The following NAALADL2 variants were observed in gnomAD, a reference collection of about 807,000 sequenced individuals.
NAALADL2 encodes the protein N-acetylated alpha-linked acidic dipeptidase like 2, also known as inactive N-acetylated-alpha-linked acidic dipeptidase-like protein 2.
In NAALADL2, 76 loss-of-function variants were observed where a neutral mutation model predicts 87.2. The ratio of observed to expected loss-of-function variants is 0.87; its 90% CI spans 0.72 to 1.05. The LOEUF is 1.05. NAALADL2 is among the 50% of genes least tolerant of loss of function. The probability of loss-of-function intolerance (pLI) is 0.00; values close to 1 mark genes in which losing one functional copy is unlikely to be tolerated. For synonymous variants in NAALADL2, 354 were observed against 331.0 expected, an observed-to-expected ratio of 1.07 and a Z score of -0.75; for missense variants, 1,089 against 945.8, an observed-to-expected ratio of 1.15 and a Z score of -1.99.
intron 9 of NAALADL2, among the ~76,000 whole-genome samples, chr3:175,548,005 G>C (rs1296733527): frequency 6.6e-6 from 1 of 152,016 alleles, no homozygotes; most frequent in African/African-American, 2.4e-5. Flanking sequence ...ATTCCTCAAA[G>C]ATCTAAAGAT....
chr3:174,929,210 C>T (rs768005984), intron 1 of NAALADL2, among the ~76,000 whole-genome samples: 6 of 152,062 alleles, frequency 3.9e-5, no homozygotes, highest in Non-Finnish European at 7.4e-5. Flanking sequence ...CAGAGGAGAG[C>T]GGGGCTCTGT....
At chr3:175,280,384 T>C (rs542767198) in intron 4 of NAALADL2, among the ~76,000 whole-genome samples, 4 of 152,252 alleles carry the variant, frequency 2.6e-5, no homozygotes, top group African/African-American at 9.6e-5. Flanking sequence ...ATTAAAGATT[T>C]TATCAAGAAA....
chr3:175,525,891 A>T (rs1733340808), intron 9 of NAALADL2, among the ~76,000 whole-genome samples: 1 of 152,130 alleles, frequency 6.6e-6, no homozygotes. Flanking sequence ...ATTTTTCCGA[A>T]AAGTAACACT....
chr3:175,742,306 G>A (rs1420781031), intron 12 of NAALADL2, among the ~76,000 whole-genome samples: 4 of 152,200 alleles, frequency 2.6e-5, no homozygotes, highest in East Asian at 1.9e-4. Context: ...CTTTGGCTTA[G>A]TGATTTGAAG....
chr3:175,338,453 A>G (rs978504037), intron 5 of NAALADL2, among the ~76,000 whole-genome samples: 4 of 151,938 alleles, frequency 2.6e-5, no homozygotes, highest in African/African-American at 9.7e-5. Context: ...GTTGGGGACA[A>G]CTTTGCCATT....
At chr3:175,075,396 T>C (rs774548201) in intron 1 of NAALADL2, among the ~76,000 whole-genome samples, 18 of 152,212 alleles carry the variant, frequency 1.2e-4, no homozygotes, top group Non-Finnish European at 2.2e-4. Context: ...TAAATGAAGC[T>C]CTTTCTAAAA....
At chr3:174,617,895 C>T (rs993611668) in intron 2 of NAALADL2, among the ~76,000 whole-genome samples, 2 of 151,618 alleles carry the variant, frequency 1.3e-5, no homozygotes, top group Non-Finnish European at 3.0e-5. Context: ...GTTATATAGT[C>T]TCTAAGATGG....
chr3:175,795,077 C>T (rs947773770), intron 13 of NAALADL2, among the ~76,000 whole-genome samples: 6 of 152,134 alleles, frequency 3.9e-5, no homozygotes, highest in Admixed American at 6.5e-5. Flanking sequence ...CCCTCATGAC[C>T]GTATCCAAAC....
At chr3:175,551,178 T>C (rs901673592) in intron 9 of NAALADL2, among the ~76,000 whole-genome samples, 5 of 151,992 alleles carry the variant, frequency 3.3e-5, no homozygotes, top group Non-Finnish European at 7.4e-5. Flanking sequence ...AGGCAATACT[T>C]AAAAGTTTAA....
chr3:174,914,791 G>A (rs1734162656), intron 1 of NAALADL2, among the ~76,000 whole-genome samples: 1 of 152,082 alleles, frequency 6.6e-6, no homozygotes, highest in Non-Finnish European at 1.5e-5. Context: ...AAAGGAGTTT[G>A]GAGACAAAAC....
intron 13 of NAALADL2, among the ~76,000 whole-genome samples, chr3:175,781,323 C>T (rs1751034720): frequency 6.6e-6 from 1 of 152,066 alleles, no homozygotes; most frequent in Non-Finnish European, 1.5e-5. Flanking sequence ...ATATGGGCCA[C>T]ATATACTATA....
intron 2 of NAALADL2, among the ~76,000 whole-genome samples, chr3:174,713,091 A>C (rs1031528806): frequency 8.5e-5 from 13 of 152,050 alleles, no homozygotes; most frequent in Non-Finnish European, 1.5e-4. Flanking sequence ...GCTGAGAATG[A>C]TGGGTTCCAG....
intron 2 of NAALADL2, among the ~76,000 whole-genome samples, chr3:174,611,684 C>T (rs931700737): frequency 2.0e-5 from 3 of 150,854 alleles, no homozygotes; most frequent in East Asian, 2.0e-4. Context: ...CTCTGCCTCC[C>T]GGTTCAAGCT....
At chr3:174,632,407 T>G (rs1722205156) in intron 2 of NAALADL2, among the ~76,000 whole-genome samples, 1 of 152,076 alleles carries the variant, frequency 6.6e-6, no homozygotes, top group Non-Finnish European at 1.5e-5. Flanking sequence ...AAATAGGCAA[T>G]AAACAAATAC....
At chr3:175,483,326 CT>C (rs563162771) in intron 9 of NAALADL2, among the ~76,000 whole-genome samples, 6,171 of 131,396 alleles carry the variant, frequency 0.047, 317 homozygotes, top group African/African-American at 0.14. Flanking sequence ...TACTTTTTGG[CT>C]TTTTTTTTTT....
intron 1 of NAALADL2, among the ~76,000 whole-genome samples, chr3:174,957,972 T>G (rs1579722454): frequency 6.6e-6 from 1 of 151,922 alleles, no homozygotes; most frequent in African/African-American, 2.4e-5. Context: ...TAATGTAGTT[T>G]CCTTTCTCTG....
chr3:175,550,587 C>T (rs6794437), intron 9 of NAALADL2, among the ~76,000 whole-genome samples: 29,481 of 152,084 alleles, frequency 0.19, 2,968 homozygotes, highest in Middle Eastern at 0.24. Flanking sequence ...TACAGGAAAG[C>T]GGTGATTATA....
At chr3:174,548,504 T>C (rs1033041599) in intron 1 of NAALADL2, among the ~76,000 whole-genome samples, 1 of 152,146 alleles carries the variant, frequency 6.6e-6, no homozygotes, top group Admixed American at 6.5e-5. Context: ...CTAAAGTATG[T>C]ATTACTTTAA....
chr3:174,470,042 A>G (rs1716802271), intron 1 of NAALADL2, among the ~76,000 whole-genome samples: 1 of 152,060 alleles, frequency 6.6e-6, no homozygotes, highest in South Asian at 2.1e-4. Context: ...TTAAAAGCAG[A>G]AAGAAAATTC....
Sources: gnomAD v4.1 joint callset for allele counts (sites outside exome capture counted in the v4.1 genomes callset) on GRCh38, gnomAD v4.1.1 for gene constraint, MANE v1.5 for transcripts, NCBI Gene and HGNC (gene_info 2026-07-23, HGNC 2026-07-21) for gene names.